The following RALGAPA2 variants were observed in gnomAD, a reference collection of about 807,000 sequenced individuals.
RALGAPA2 encodes the protein ral GTPase-activating protein subunit alpha-2.
Under a neutral mutation model 230.4 loss-of-function variants are expected in RALGAPA2, and 139 were observed. The ratio of observed to expected loss-of-function variants is 0.60; its 90% confidence interval spans 0.53 to 0.69. The LOEUF is 0.69. Among genes scored for constraint, RALGAPA2 ranks in the 30% least tolerant of loss-of-function variants. The pLI, the probability that RALGAPA2 is intolerant of heterozygous loss-of-function variation, is 0.00. For synonymous variants in RALGAPA2, 847 were observed against 837.8 expected, an observed-to-expected ratio of 1.01 and a Z score of -0.19; for missense variants, 2,163 against 2,276.0, an observed-to-expected ratio of 0.95 and a Z score of 1.01.
intron 36 of RALGAPA2, among the ~76,000 whole-genome samples, chr20:20,483,011 G>A (rs2061817448): frequency 6.6e-6 from 1 of 152,204 alleles, no homozygotes; most frequent in Non-Finnish European, 1.5e-5. Context: ...CACCAGGTAA[G>A]TTTCCCATCT....
chr20:20,701,311 C>T (rs2069350343), intron 1 of RALGAPA2, among the ~76,000 whole-genome samples: 1 of 150,174 alleles, frequency 6.7e-6, no homozygotes, highest in African/African-American at 2.5e-5. Context: ...ATAAAAAGTA[C>T]TAAATAAATA....
At chr20:20,423,285 A>C (rs941032287) in intron 37 of RALGAPA2, among the ~76,000 whole-genome samples, 3 of 152,212 alleles carry the variant, frequency 2.0e-5, no homozygotes, top group Non-Finnish European at 4.4e-5. Context: ...GGGACTCAGC[A>C]GAGAGGCCTG....
At chr20:20,506,577 G>A (rs377465899) in intron 33 of RALGAPA2, among the ~76,000 whole-genome samples, 1 of 152,070 alleles carries the variant, frequency 6.6e-6, no homozygotes, top group Admixed American at 6.5e-5. Flanking sequence ...TCCACTTCCA[G>A]AGCGGTTCCA....
intron 22 of RALGAPA2, 44 bp from the exon 23 acceptor site, chr20:20,571,657 C>G (rs1271745718): frequency 2.5e-6 from 4 of 1,574,982 alleles, no homozygotes; most frequent in East Asian, 4.6e-5. Context: ...AGCCCAGGTG[C>G]AGAGTATTTC....
At chr20:20,393,381 C>T in intron 39 of RALGAPA2, 128 bp from the exon 40 acceptor site, 1 of 567,270 alleles carries the variant, frequency 1.8e-6, no homozygotes, top group Non-Finnish European at 2.6e-6. Context: ...GTGACCTCCT[C>T]CCACGCTATG....
chr20:20,394,388 C>T (rs915832174), intron 39 of RALGAPA2, among the ~76,000 whole-genome samples: 1 of 152,164 alleles, frequency 6.6e-6, no homozygotes, highest in Non-Finnish European at 1.5e-5. Flanking sequence ...ATCTTTAAAA[C>T]AGGCTGCAGC....
rs145337023 is a variant in RALGAPA2, at chr20:20,475,735, C to T, written c.5368-2779G>A. Among the ~76,000 whole-genome samples, 463 of 151,940 alleles carry T rather than the reference C, an allele frequency of 3.0e-3. 3 individuals are homozygous for T. Among genetic ancestry groups the T allele is most frequent in the Non-Finnish European group, 5.8e-3 (397 of 67,940 alleles). Reference sequence around the variant, plus strand: ...TCAACATTTTTGAAGATCCTAGTCACTACAATAAAGAAAATTAAGAGAAAG... The same window carrying T: ...TCAACATTTTTGAAGATCCTAGTCATTACAATAAAGAAAATTAAGAGAAAG... On this transcript the variant is annotated intron_variant, in intron 36 of 39. Coordinates refer to ENST00000202677, the MANE Select transcript of RALGAPA2 (RefSeq NM_020343.4).
intron 25 of RALGAPA2, among the ~76,000 whole-genome samples, chr20:20,536,019 C>T (rs1190757110): frequency 6.6e-6 from 1 of 152,206 alleles, no homozygotes; most frequent in Non-Finnish European, 1.5e-5. Flanking sequence ...TTAGGCCATT[C>T]AGCCCGCGGG....
chr20:20,528,025 G>C (rs894135466), intron 27 of RALGAPA2, among the ~76,000 whole-genome samples: 3 of 152,196 alleles, frequency 2.0e-5, no homozygotes, highest in African/African-American at 7.2e-5. Context: ...CAGGCAGAGA[G>C]AAGGCATCGT....
At chr20:20,523,475 T>C (rs143382563) in intron 30 of RALGAPA2, among the ~76,000 whole-genome samples, 6 of 152,338 alleles carry the variant, frequency 3.9e-5, no homozygotes, top group African/African-American at 1.4e-4. Flanking sequence ...GTCAAACTAA[T>C]GCTGTATACA....
At chr20:20,489,869 GC>G (rs1361385048) in intron 36 of RALGAPA2, among the ~76,000 whole-genome samples, 1 of 152,202 alleles carries the variant, frequency 6.6e-6, no homozygotes, top group Non-Finnish European at 1.5e-5. Flanking sequence ...AATGAGAGCT[GC>G]CTTGCTTTCT....
At chr20:20,506,411 C>T (rs1343431860) in intron 33 of RALGAPA2, among the ~76,000 whole-genome samples, 1 of 151,890 alleles carries the variant, frequency 6.6e-6, no homozygotes, top group Non-Finnish European at 1.5e-5. Flanking sequence ...CAAATTATAC[C>T]CTGGAGTAAA....
At position 20,712,419 on chromosome 20, in the gene RALGAPA2, T is replaced by G; in HGVS notation, c.62A>C (p.Lys21Thr). The G allele has an allele frequency of 6.4e-7, 1 of 1,554,542 alleles. No individual in the cohort carries two copies. The highest frequency in any genetic ancestry group is 8.7e-7 in the Non-Finnish European group (1 of 1,148,540). The change falls in exon 1 of 40, where the codon AAG becomes ACG. Residue 21 changes from lysine (K) to threonine (T), a missense_variant. Transcript: ENST00000202677. The surrounding 1 kb of genome is among the most constrained non-coding windows in gnomAD (Gnocchi z 5.5). Reference protein sequence around the residue: ...KKSTQKVLDPKKDVLTRLKHL... With the variant: ...KKSTQKVLDPTKDVLTRLKHL... ...CTTCAGGCGGGTCAGCACGTCCTTC[T>G]TCGGGTCCAGCACCTTCTGGGTGGA...
At chr20:20,635,802 A>T (rs2066838582) in intron 8 of RALGAPA2, among the ~76,000 whole-genome samples, 185 bp from the exon 9 acceptor site, 1 of 152,188 alleles carries the variant, frequency 6.6e-6, no homozygotes, top group Non-Finnish European at 1.5e-5. Context: ...CCGCCTTGTG[A>T]TCTGACTGAG....
Position 20,424,701 on chromosome 20 carries a change from A to T in RALGAPA2, c.5496-12553T>A, listed in dbSNP as rs1213926089. Among the ~76,000 whole-genome samples, 3 of 152,218 alleles carry T rather than the reference A, an allele frequency of 2.0e-5. No homozygotes were observed. In the East Asian group the frequency reaches 5.8e-4, roughly 29 times the overall value. On this transcript the variant is annotated intron_variant, in intron 37 of 39. Transcript: ENST00000202677. Reference sequence around the variant, plus strand: ...AGAAATGCAGAACTGACCTAATGTTAAATGATGAGTTAATGGGTGCAGCAC... The same window carrying T: ...AGAAATGCAGAACTGACCTAATGTTTAATGATGAGTTAATGGGTGCAGCAC...
intron 10 of RALGAPA2, among the ~76,000 whole-genome samples, chr20:20,620,900 T>C (rs1426891268): frequency 6.6e-6 from 1 of 152,160 alleles, no homozygotes; most frequent in East Asian, 1.9e-4. Context: ...CCTAACACTT[T>C]GGGAGGCCAA....
At chr20:20,583,301 A>G (rs1227001674) in intron 19 of RALGAPA2, 75 bp from the exon 20 acceptor site, 1 of 1,416,760 alleles carries the variant, frequency 7.1e-7, no homozygotes, top group Non-Finnish European at 9.6e-7. Context: ...ACTGATACGA[A>G]AGTAACTAAA....
intron 36 of RALGAPA2, among the ~76,000 whole-genome samples, chr20:20,481,088 C>A (rs886766475): frequency 6.6e-6 from 1 of 152,166 alleles, no homozygotes; most frequent in Non-Finnish European, 1.5e-5. Flanking sequence ...GAAGACACTT[C>A]ATATCCAGGG....
chr20:20,472,625 CTAAGTT>C (rs1326798241), intron 37 of RALGAPA2, 198 bp downstream of exon 37: 14 of 416,872 alleles, frequency 3.4e-5, no homozygotes, highest in Non-Finnish European at 4.4e-5. Flanking sequence ...AAAGTAAACT[CTAAGTT>C]TAATGCAGCA....
Sources: allele counts gnomAD v4.1 joint callset (sites outside exome capture counted in the v4.1 genomes callset), GRCh38; gene constraint gnomAD v4.1.1; non-coding constraint Gnocchi (gnomAD v3.1); transcripts MANE v1.5; gene names NCBI Gene and HGNC (gene_info 2026-07-23, HGNC 2026-07-21).